The following ADAMTS19 variants were observed in gnomAD, a reference collection of about 807,000 sequenced individuals.
ADAMTS19 encodes the protein ADAM metallopeptidase with thrombospondin type 1 motif 19.
A neutral mutation model predicts 153.3 loss-of-function variants in ADAMTS19; 93 were observed. That is an observed-to-expected ratio of 0.61 (90% CI 0.51 to 0.72). ADAMTS19 has a LOEUF of 0.72. ADAMTS19 is among the 30% of genes least tolerant of loss of function. The pLI, the probability that ADAMTS19 is intolerant of heterozygous loss-of-function variation, is 0.00. For missense variants in ADAMTS19, 1,482 were observed against 1,552.1 expected (o/e 0.95, Z 0.76); for synonymous variants, 600 against 556.6 (o/e 1.08, Z -1.10).
chr5:129,482,302 A>G (rs1750441551), intron 2 of ADAMTS19, among the ~76,000 whole-genome samples: 1 of 152,110 alleles, frequency 6.6e-6, no homozygotes, highest in Non-Finnish European at 1.5e-5. Flanking sequence ...CTCTCACCCA[A>G]CAAACTTTCC....
chr5:129,509,042 A>T (rs1207886210), intron 2 of ADAMTS19, 35 bp from the exon 3 acceptor site: 1 of 1,481,760 alleles, frequency 6.7e-7, no homozygotes, highest in Admixed American at 2.2e-5. Flanking sequence ...TTCAAATGAT[A>T]TTTCTTACAT....
chr5:129,693,821 C>T (rs974539252), intron 18 of ADAMTS19, among the ~76,000 whole-genome samples: 2 of 152,106 alleles, frequency 1.3e-5, no homozygotes, highest in African/African-American at 4.8e-5. Flanking sequence ...TTTCTGAAAT[C>T]TGGTAAAAGA....
intron 10 of ADAMTS19, among the ~76,000 whole-genome samples, chr5:129,629,300 G>C (rs1262435736): frequency 6.6e-6 from 1 of 152,030 alleles, no homozygotes; most frequent in Non-Finnish European, 1.5e-5. Context: ...TATAGGGCAG[G>C]TATCTTGTTT....
intron 2 of ADAMTS19, among the ~76,000 whole-genome samples, chr5:129,463,416 G>A (rs1160157893): frequency 2.0e-5 from 3 of 152,242 alleles, no homozygotes; most frequent in African/African-American, 7.2e-5. Flanking sequence ...TTATAAGTAG[G>A]TTTTTCATAG....
intron 19 of ADAMTS19, among the ~76,000 whole-genome samples, chr5:129,699,264 A>C (rs1166644905): frequency 6.6e-6 from 1 of 152,130 alleles, no homozygotes; most frequent in Non-Finnish European, 1.5e-5. Context: ...TCTACTAAAA[A>C]AATACAAAAA....
chr5:129,700,453 G>A (rs1755781563), intron 19 of ADAMTS19, among the ~76,000 whole-genome samples: 1 of 152,134 alleles, frequency 6.6e-6, no homozygotes, highest in Admixed American at 6.6e-5. Flanking sequence ...TAATACCTTG[G>A]TGATTGCTTT....
chr5:129,628,546 G>A (rs1418405275), intron 10 of ADAMTS19, among the ~76,000 whole-genome samples: 4 of 152,056 alleles, frequency 2.6e-5, no homozygotes, highest in Admixed American at 2.6e-4. Context: ...CAAAGGGTTT[G>A]ACACATCATT....
At position 129,461,412 on chromosome 5, in the gene ADAMTS19, G is replaced by A. The variant is rs72663400; in HGVS notation, c.402G>A (p.Gly134=). 168,840 of 1,373,434 alleles carry A rather than the reference G, an allele frequency of 0.12. 11,462 individuals are homozygous for A. The highest frequency in any genetic ancestry group is 0.33 in the East Asian group (10,763 of 33,036). The allele number at this position is 1,373,434 out of a possible 1,614,324, so 85.1% of individuals were successfully genotyped here. The stretch of plus-strand genomic sequence containing the variant: ...AGGAGCTGCCGCGGGGATCCAGCGG[G>A]GCTGCCGCCTTGTCCCCGGGCGCCC... The part of the protein sequence containing the change: ...ESQELPRGSS[G]AAALSPGAPA... The change falls in exon 2 of 23, where the codon GGG becomes GGA. Residue 134 remains glycine, a synonymous_variant. Coordinates refer to ENST00000274487, the MANE Select transcript of ADAMTS19 (RefSeq NM_133638.6). The surrounding 1 kb of genome is among the most constrained non-coding windows in gnomAD (Gnocchi z 4.6).
chr5:129,664,776 A>C (rs776024419), intron 15 of ADAMTS19, among the ~76,000 whole-genome samples: 1 of 152,142 alleles, frequency 6.6e-6, no homozygotes, highest in African/African-American at 2.4e-5. Context: ...ACTATTCTGC[A>C]CTAAGTGAAA....
At chr5:129,570,453 T>A (rs1252045539) in intron 7 of ADAMTS19, among the ~76,000 whole-genome samples, 1 of 151,612 alleles carries the variant, frequency 6.6e-6, no homozygotes, top group Non-Finnish European at 1.5e-5. Flanking sequence ...AAAAATAAAA[T>A]CTCCAGCACT....
chr5:129,490,857 T>G (rs1750742819), intron 2 of ADAMTS19, among the ~76,000 whole-genome samples: 1 of 152,176 alleles, frequency 6.6e-6, no homozygotes, highest in African/African-American at 2.4e-5. Context: ...TTCGATTTTT[T>G]TTTTGGTAAA....
intron 10 of ADAMTS19, among the ~76,000 whole-genome samples, chr5:129,627,289 A>T (rs1752092510): frequency 6.6e-6 from 1 of 152,084 alleles, no homozygotes; most frequent in Non-Finnish European, 1.5e-5. Flanking sequence ...TAGGAATAGA[A>T]CCAAAGCAAA....
intron 8 of ADAMTS19, among the ~76,000 whole-genome samples, chr5:129,598,370 G>A (rs1007052821): frequency 6.6e-6 from 1 of 152,100 alleles, no homozygotes; most frequent in African/African-American, 2.4e-5. Context: ...GTAAAGTTTA[G>A]TTGGCAGTGG....
chr5:129,727,953 A>G (rs1324043766), intron 21 of ADAMTS19, among the ~76,000 whole-genome samples: 2 of 152,080 alleles, frequency 1.3e-5, no homozygotes, highest in Admixed American at 1.3e-4. Context: ...ACAGGATGAG[A>G]TGGGAGGTGG....
intron 7 of ADAMTS19, among the ~76,000 whole-genome samples, chr5:129,556,212 A>G (rs922821804): frequency 7.9e-5 from 12 of 152,152 alleles, no homozygotes; most frequent in African/African-American, 2.9e-4. Flanking sequence ...ACATGCTATT[A>G]TATGTTTTAA....
chr5:129,503,697 G>A (rs528432170), intron 2 of ADAMTS19, among the ~76,000 whole-genome samples: 1 of 151,914 alleles, frequency 6.6e-6, no homozygotes, highest in Non-Finnish European at 1.5e-5. Context: ...GGGTGGTAGT[G>A]GGTGCCTGTG....
chr5:129,611,431 T>G lies in ADAMTS19; in HGVS notation c.1479-9187T>G, dbSNP rs984706431. On this transcript the variant is annotated intron_variant, in intron 8 of 22. Coordinates refer to ENST00000274487, the MANE Select transcript of ADAMTS19 (RefSeq NM_133638.6). ...GTTTTTATGGTTTTAGGTTTAACAT[T>G]TAAGTCTTTAATCTATCTTGAATTA... is the stretch of plus-strand genomic sequence containing the variant. Among the ~76,000 whole-genome samples, 3 of 152,206 alleles carry G rather than the reference T, an allele frequency of 2.0e-5. No individual in the cohort carries two copies. In the East Asian group the frequency reaches 5.8e-4, roughly 29 times the overall value.
At chr5:129,476,391 A>G (rs1750228106) in intron 2 of ADAMTS19, among the ~76,000 whole-genome samples, 1 of 152,108 alleles carries the variant, frequency 6.6e-6, no homozygotes, top group African/African-American at 2.4e-5. Flanking sequence ...TTCAGACTCC[A>G]GATTCCACTC....
At chr5:129,569,627 G>T (rs1753828313) in intron 7 of ADAMTS19, among the ~76,000 whole-genome samples, 1 of 151,906 alleles carries the variant, frequency 6.6e-6, no homozygotes, top group Non-Finnish European at 1.5e-5. Flanking sequence ...GTATATTCCT[G>T]GGCAAAATGG....
Sources: gnomAD v4.1 joint callset for allele counts (sites outside exome capture counted in the v4.1 genomes callset) on GRCh38, gnomAD v4.1.1 for gene constraint, Gnocchi (gnomAD v3.1) non-coding constraint, MANE v1.5 for transcripts, NCBI Gene and HGNC (gene_info 2026-07-23, HGNC 2026-07-21) for gene names.